STK32C: variants seen among roughly 807,000 people sequenced by gnomAD.
STK32C encodes the protein serine/threonine kinase 32C, also known as serine/threonine-protein kinase 32C.
STK32C carries 31 observed loss-of-function variants against 56.5 expected under a neutral mutation model. The ratio of observed to expected loss-of-function variants is 0.55; its 90% CI spans 0.41 to 0.74. The LOEUF is 0.74. Ranked by LOEUF, STK32C falls within the 30% of genes least tolerant of loss-of-function variation. The pLI is 0.00. For missense variants in STK32C, 544 were observed against 676.9 expected (o/e 0.80, Z 2.18); for synonymous variants, 309 against 289.4 (o/e 1.07, Z -0.69).
chr10:132,330,554 C>T, intron 1 of STK32C: 1 of 714,608 alleles, frequency 1.4e-6, no homozygotes, highest in Non-Finnish European at 2.6e-6. Flanking sequence ...GTCACCGAAG[C>T]TGACATTAAG....
At chr10:132,253,754 T>C (rs2064006386) in intron 1 of STK32C, among the ~76,000 whole-genome samples, 1 of 152,200 alleles carries the variant, frequency 6.6e-6, no homozygotes, top group Non-Finnish European at 1.5e-5. Context: ...AGGCGAGAGA[T>C]GGCCAAGACG....
upstream of STK32C, chr10:132,331,942 C>A (rs1350419544): frequency 1.7e-6 from 1 of 582,628 alleles, no homozygotes; most frequent in Admixed American, 4.0e-5. Flanking sequence ...CGCAACCCCC[C>A]GCCCCAGCGC....
intron 10 of STK32C, among the ~76,000 whole-genome samples, chr10:132,217,015 G>C (rs1198921166): frequency 6.6e-6 from 1 of 152,102 alleles, no homozygotes; most frequent in East Asian, 1.9e-4. Context: ...ACACTGCCTA[G>C]TGGAGCTCTG....
At chr10:132,296,881 C>T (rs2497639) in intron 1 of STK32C, among the ~76,000 whole-genome samples, 2,948 of 152,288 alleles carry the variant, frequency 0.019, 41 homozygotes, top group Middle Eastern at 0.044. Context: ...CTCTGGGACG[C>T]CGAAAGCCTC....
intron 1 of STK32C, among the ~76,000 whole-genome samples, chr10:132,247,241 G>A (rs975174558): frequency 6.6e-6 from 1 of 152,214 alleles, no homozygotes; most frequent in Non-Finnish European, 1.5e-5. Context: ...GGCACTCAGT[G>A]TGTGGAGGAG....
At chr10:132,284,211 C>T (rs961266038) in intron 1 of STK32C, among the ~76,000 whole-genome samples, 1 of 150,618 alleles carries the variant, frequency 6.6e-6, no homozygotes, top group Non-Finnish European at 1.5e-5. Flanking sequence ...AGCGGCTTGC[C>T]GGGCCCCATG....
chr10:132,314,099 T>G (rs539405762), intron 1 of STK32C, among the ~76,000 whole-genome samples: 6 of 152,356 alleles, frequency 3.9e-5, no homozygotes, highest in African/African-American at 1.4e-4. Flanking sequence ...AGCACCGCGA[T>G]GCACCACCTT....
chr10:132,329,243 G>C (rs1378398752), intron 1 of STK32C, among the ~76,000 whole-genome samples: 2 of 152,236 alleles, frequency 1.3e-5, no homozygotes, highest in Admixed American at 1.3e-4. Context: ...GGTAAAACCC[G>C]TCTCTACAAA....
At chr10:132,228,544 A>G (rs1004614708) in intron 2 of STK32C, among the ~76,000 whole-genome samples, 4 of 152,346 alleles carry the variant, frequency 2.6e-5, no homozygotes, top group African/African-American at 7.2e-5. Flanking sequence ...CCAGCCTAAC[A>G]GCATCCAGGC....
Position 132,225,474 on chromosome 10 carries a change from C to G in STK32C, c.772+53G>C, listed in dbSNP as rs777752577. On this transcript the variant is annotated intron_variant, in intron 6 of 11. Transcript: ENST00000298630. ...GACAGAGAAGCCACCGAGGTCTTGT[C>G]CTTCCCACCTGGAGGAAGCCAGCTC... 3.3e-5 allele frequency: 53 copies of G among 1,608,934 alleles called. 1 individual carries two copies. The African/African-American group carries it at 5.1e-4, about 15-fold the overall frequency.
At chr10:132,292,640 C>T (rs562096229) in intron 1 of STK32C, among the ~76,000 whole-genome samples, 10 of 152,324 alleles carry the variant, frequency 6.6e-5, no homozygotes, top group African/African-American at 2.4e-4. Context: ...CCCATACAGG[C>T]TAATCCACAG....
At chr10:132,301,674 T>A (rs1220555512) in intron 1 of STK32C, among the ~76,000 whole-genome samples, 3 of 152,226 alleles carry the variant, frequency 2.0e-5, no homozygotes, top group Non-Finnish European at 4.4e-5. Flanking sequence ...TGCGGGCTAC[T>A]GGGCCGGGTG....
rs776311240 is a variant in STK32C, at chr10:132,225,608, G to A, written c.691C>T (p.His231Tyr). Reference protein sequence around the residue: ...NILLDERGHAHLTDFNIATII... With the variant: ...NILLDERGHAYLTDFNIATII... ...GTGGCAATGTTGAAGTCGGTCAGGT[G>A]TGCATGTCCTGTGCAGAGAGGGGTC... The change falls in exon 6 of 12, where the codon CAC becomes TAC. Residue 231 changes from histidine (H) to tyrosine (Y), a missense_variant. His to Tyr is a moderately conservative substitution (Grantham distance 83, BLOSUM62 2). This residue lies in a region of STK32C where 85 missense variants were observed against 149.9 expected (regional missense o/e 0.57). Transcript: ENST00000298630. The A allele has an allele frequency of 3.1e-6, 5 of 1,613,022 alleles. No individual in the cohort carries two copies. The South Asian group carries it at 3.3e-5, about 11-fold the overall frequency.
intron 1 of STK32C, among the ~76,000 whole-genome samples, chr10:132,305,003 C>T (rs1157648961): frequency 6.6e-6 from 1 of 152,244 alleles, no homozygotes; most frequent in Non-Finnish European, 1.5e-5. Flanking sequence ...GGAGCCTCCT[C>T]TCAGGTTCAC....
At chr10:132,276,546 C>T (rs1400293922) in intron 1 of STK32C, among the ~76,000 whole-genome samples, 2 of 152,168 alleles carry the variant, frequency 1.3e-5, no homozygotes, top group East Asian at 1.9e-4. Context: ...CTTTGGGAAG[C>T]CAAGGCGGGA....
chr10:132,303,402 G>A (rs1285881705), intron 1 of STK32C, among the ~76,000 whole-genome samples: 1 of 152,234 alleles, frequency 6.6e-6, no homozygotes, highest in Non-Finnish European at 1.5e-5. Context: ...ATAAAGGCAA[G>A]GCCGGACGCA....
At chr10:132,229,713 CCT>C (rs1451835990) in intron 2 of STK32C, among the ~76,000 whole-genome samples, 16 of 152,198 alleles carry the variant, frequency 1.1e-4, no homozygotes. Flanking sequence ...GAGACCCCTC[CCT>C]GAGACTCAGT....
Position 132,210,772 on chromosome 10 carries a change from G to A in STK32C, c.1252-1671C>T, listed in dbSNP as rs545510892. 7.9e-5 allele frequency among the ~76,000 whole-genome samples: 12 copies of A among 152,326 alleles called. No homozygotes were observed. In the South Asian group the frequency reaches 2.5e-3, roughly 32 times the overall value. On this transcript the variant is annotated intron_variant, in intron 10 of 11. Coordinates refer to ENST00000298630, the MANE Select transcript of STK32C (RefSeq NM_173575.4). ...AGCATAGGGCTCAACACATTTCTTG[G>A]GTTTGGGGAGCAGCTCACGTTCCCC...
At chr10:132,273,584 T>C (rs562165440) in intron 1 of STK32C, among the ~76,000 whole-genome samples, 1 of 142,018 alleles carries the variant, frequency 7.0e-6, no homozygotes, top group East Asian at 1.9e-4. Context: ...AGTGAATGAA[T>C]ACATGGTTAC....
Sources: gnomAD v4.1 joint callset for allele counts (sites outside exome capture counted in the v4.1 genomes callset) on GRCh38, gnomAD v4.1.1 for gene constraint, gnomAD v4.1.1 regional missense constraint, MANE v1.5 for transcripts, NCBI Gene and HGNC (gene_info 2026-07-23, HGNC 2026-07-21) for gene names.